Variants in ANKRD18A observed in about 807,000 individuals in gnomAD.
ANKRD18A encodes ankyrin repeat domain-containing protein 18A.
Under a neutral mutation model 110.6 loss-of-function variants are expected in ANKRD18A, and 72 were observed. The observed-to-expected ratio is 0.65, with a 90% CI of 0.54 to 0.79. The LOEUF is 0.79. ANKRD18A is among the 30% of genes least tolerant of loss of function. The pLI, the probability that ANKRD18A is intolerant of heterozygous loss-of-function variation, is 0.00. For missense variants in ANKRD18A, 934 were observed against 1,163.3 expected (o/e 0.80, Z 2.87); for synonymous variants, 305 against 410.3 (o/e 0.74, Z 3.10).
downstream of ANKRD18A, chr9:38,569,283 C>T (rs1031825723): frequency 3.2e-6 from 3 of 951,716 alleles, no homozygotes; most frequent in African/African-American, 1.8e-5. Context: ...CAGCACAGAA[C>T]AGGCACCTGG....
At chr9:38,579,716 A>C (rs572134248) in intron 12 of ANKRD18A, among the ~76,000 whole-genome samples, 10 of 152,358 alleles carry the variant, frequency 6.6e-5, no homozygotes, top group African/African-American at 2.4e-4. Context: ...AAACTCTTAC[A>C]TGCTGTTCGT....
At chr9:38,566,605 T>C (rs901067745), downstream of ANKRD18A, 1 of 152,230 alleles carries the variant, frequency 6.6e-6, no homozygotes, top group Non-Finnish European at 1.5e-5. Flanking sequence ...GGTATCTTTA[T>C]AGCAATGCTC....
chr9:38,568,240 C>T (rs1468956882), downstream of ANKRD18A: 1 of 152,338 alleles, frequency 6.6e-6, no homozygotes, highest in African/African-American at 2.4e-5. Flanking sequence ...TAGGAGCCCT[C>T]ATGCATGGAC....
At position 38,601,159 on chromosome 9, in the gene ANKRD18A, A is replaced by G; in HGVS notation, c.908T>C (p.Leu303Pro). The change falls in exon 8 of 16, where the codon CTC becomes CCC. Residue 303 changes from leucine to proline, a missense_variant. Physicochemically the swap from Leu to Pro is moderately conservative, Grantham distance 98. Transcript: ENST00000399703. ...KVASEEKQER[L>P]QRSENKQPQD... ...TGGCTGTTTATTTTCACTTCTTTGG[A>G]GCCTTTCTTGCTTTTCCTCTGAAGC... The G allele has an allele frequency of 1.3e-6, 2 of 1,559,656 alleles. No homozygotes were observed. The highest frequency in any genetic ancestry group is 1.7e-6 in the Non-Finnish European group (2 of 1,150,998).
intron 11 of ANKRD18A, among the ~76,000 whole-genome samples, chr9:38,586,561 T>G (rs554381118): frequency 1.3e-4 from 20 of 152,196 alleles, no homozygotes; most frequent in African/African-American, 3.6e-4. Context: ...TTGGTTTTTT[T>G]TTTGTTTGTT....
intron 8 of ANKRD18A, among the ~76,000 whole-genome samples, chr9:38,598,432 C>T (rs947800121): frequency 3.3e-5 from 5 of 152,118 alleles, no homozygotes; most frequent in African/African-American, 1.2e-4. Flanking sequence ...TTAGATAACC[C>T]CACTGTAACT....
intron 8 of ANKRD18A, among the ~76,000 whole-genome samples, chr9:38,598,634 A>ATGT (rs1284314546): frequency 5.3e-5 from 8 of 152,156 alleles, no homozygotes; most frequent in African/African-American, 1.9e-4. Flanking sequence ...CATGCTTTTG[A>ATGT]TGTTCTGTCA....
chr9:38,587,711 A>C (rs970203007), intron 11 of ANKRD18A, among the ~76,000 whole-genome samples: 1 of 152,246 alleles, frequency 6.6e-6, no homozygotes, highest in East Asian at 1.9e-4. Flanking sequence ...CAAATACAGC[A>C]AAAATATCTT....
chr9:38,613,805 T>A (rs1377557951), intron 3 of ANKRD18A, among the ~76,000 whole-genome samples: 1 of 152,240 alleles, frequency 6.6e-6, no homozygotes, highest in African/African-American at 2.4e-5. Context: ...GCTACCGATC[T>A]AATTGAGAAA....
intron 12 of ANKRD18A, among the ~76,000 whole-genome samples, chr9:38,582,237 G>A (rs1370744571): frequency 1.3e-5 from 2 of 152,158 alleles, no homozygotes; most frequent in Non-Finnish European, 2.9e-5. Context: ...TACTGAAAAT[G>A]AAACTATAGA....
At chr9:38,579,137 T>C (rs940694005) in intron 12 of ANKRD18A, among the ~76,000 whole-genome samples, 1 of 152,202 alleles carries the variant, frequency 6.6e-6, no homozygotes, top group Non-Finnish European at 1.5e-5. Flanking sequence ...ACTACCCATA[T>C]GAAGAATGAT....
intron 8 of ANKRD18A, among the ~76,000 whole-genome samples, chr9:38,598,828 A>G (rs1263497213): frequency 6.6e-6 from 1 of 152,236 alleles, no homozygotes; most frequent in Non-Finnish European, 1.5e-5. Context: ...TTTCGGCTTC[A>G]TAAGTGTCTG....
chr9:38,620,592 C>A lies in ANKRD18A; in HGVS notation c.-307G>T. ...ACCTCAGCGCTCCGAACTCTCAGACCGAGTGAGTCCCCGCGATGCCAGTTA... is the reference window on the plus strand; with the variant it reads ...ACCTCAGCGCTCCGAACTCTCAGACAGAGTGAGTCCCCGCGATGCCAGTTA... On this transcript the variant is annotated 5_prime_UTR_variant, in exon 1 of 16. Coordinates refer to ENST00000399703, the MANE Select transcript of ANKRD18A (RefSeq NM_147195.4). 5 of 775,772 alleles carry A rather than the reference C, an allele frequency of 6.4e-6. No homozygotes were observed. Among genetic ancestry groups the A allele is most frequent in the Non-Finnish European group, 8.5e-6 (5 of 585,708 alleles). 48.1% of individuals were successfully genotyped at this position (775,772 alleles called of 1,614,324 possible).
intron 14 of ANKRD18A, among the ~76,000 whole-genome samples, chr9:38,576,502 C>T (rs1172931730): frequency 6.6e-6 from 1 of 152,124 alleles, no homozygotes; most frequent in African/African-American, 2.4e-5. Context: ...ATAATTATTC[C>T]CTCTTTCACA....
chr9:38,574,034 C>A (rs995398100), intron 15 of ANKRD18A, among the ~76,000 whole-genome samples: 12 of 152,090 alleles, frequency 7.9e-5, no homozygotes, highest in Admixed American at 4.6e-4. Flanking sequence ...ACCCAAGAAG[C>A]AGTTTTTCAA....
intron 4 of ANKRD18A, among the ~76,000 whole-genome samples, chr9:38,610,826 A>T (rs1825586803): frequency 6.6e-6 from 1 of 150,670 alleles, no homozygotes; most frequent in Non-Finnish European, 1.5e-5. Flanking sequence ...TGCAGGCTGA[A>T]AACAACAGCA....
intron 6 of ANKRD18A, among the ~76,000 whole-genome samples, chr9:38,606,327 C>T (rs1042062808): frequency 3.9e-5 from 6 of 152,142 alleles, no homozygotes; most frequent in East Asian, 1.9e-4. Context: ...TCCACTTATA[C>T]GCAGATTTTT....
At chr9:38,615,538 T>C (rs1355577508) in intron 3 of ANKRD18A, 56 bp downstream of exon 3, 1 of 1,489,952 alleles carries the variant, frequency 6.7e-7, no homozygotes, top group Admixed American at 2.6e-5. Context: ...AAATTGACTC[T>C]TAACTATGTC....
intron 6 of ANKRD18A, chr9:38,604,297 C>G (rs1487771209): frequency 6.6e-6 from 1 of 151,824 alleles, no homozygotes; most frequent in South Asian, 2.1e-4. Context: ...ACTACATCCC[C>G]GAAGGAAAAA....
Sources: gnomAD v4.1 joint callset for allele counts (sites outside exome capture counted in the v4.1 genomes callset) on GRCh38, gnomAD v4.1.1 for gene constraint, MANE v1.5 for transcripts, NCBI Gene and HGNC (gene_info 2026-07-23, HGNC 2026-07-21) for gene names.